The following HS6ST3 variants were observed in gnomAD, a reference collection of about 807,000 sequenced individuals.
HS6ST3 encodes heparan-sulfate 6-O-sulfotransferase 3.
A neutral mutation model predicts 36.7 loss-of-function variants in HS6ST3; 12 were observed. The ratio of observed to expected loss-of-function variants is 0.33; its 90% CI spans 0.21 to 0.53. The LOEUF is 0.53. Among genes scored for constraint, HS6ST3 ranks in the 20% least tolerant of loss-of-function variants. The probability of loss-of-function intolerance (pLI) is 0.95; values close to 1 mark genes in which losing one functional copy is unlikely to be tolerated. For synonymous variants in HS6ST3, 240 were observed against 257.5 expected (o/e 0.93, Z 0.65); for missense variants, 584 against 640.9 (o/e 0.91, Z 0.96).
intron 1 of HS6ST3, among the ~76,000 whole-genome samples, chr13:96,756,641 G>A (rs966490717): frequency 3.9e-5 from 6 of 152,154 alleles, no homozygotes; most frequent in African/African-American, 1.2e-4. Flanking sequence ...TAAGCATAGT[G>A]TATAATATTT....
intron 1 of HS6ST3, among the ~76,000 whole-genome samples, chr13:96,443,302 G>A (rs1048884137): frequency 1.3e-5 from 2 of 151,850 alleles, no homozygotes; most frequent in Admixed American, 1.3e-4. Flanking sequence ...AGGCTGAGGC[G>A]GGCGGATCAC....
chr13:96,365,565 C>G (rs2055259034), intron 1 of HS6ST3, among the ~76,000 whole-genome samples: 1 of 152,026 alleles, frequency 6.6e-6, no homozygotes, highest in Non-Finnish European at 1.5e-5. Flanking sequence ...TAAAATCATA[C>G]TTGTTATACT....
At chr13:96,468,405 T>C (rs2055824456) in intron 1 of HS6ST3, among the ~76,000 whole-genome samples, 1 of 152,084 alleles carries the variant, frequency 6.6e-6, no homozygotes, top group South Asian at 2.1e-4. Flanking sequence ...TATTTGGTTA[T>C]ATGATGATTT....
At chr13:96,458,572 A>C (rs1006964993) in intron 1 of HS6ST3, among the ~76,000 whole-genome samples, 2 of 150,694 alleles carry the variant, frequency 1.3e-5, no homozygotes, top group African/African-American at 4.9e-5. Flanking sequence ...CTTTTTTAAC[A>C]TTTGGAATAG....
intron 1 of HS6ST3, among the ~76,000 whole-genome samples, chr13:96,589,646 A>G (rs1566405178): frequency 6.6e-6 from 1 of 151,802 alleles, no homozygotes; most frequent in African/African-American, 2.4e-5. Context: ...CTGTTTTTTG[A>G]TATGGGTGTG....
At chr13:96,775,087 T>C (rs531667478) in intron 1 of HS6ST3, among the ~76,000 whole-genome samples, 13 of 152,246 alleles carry the variant, frequency 8.5e-5, no homozygotes, top group African/African-American at 3.1e-4. Context: ...AAACTAAGCT[T>C]CATAAGCGAA....
intron 1 of HS6ST3, among the ~76,000 whole-genome samples, chr13:96,331,629 T>C (rs530545816): frequency 6.6e-6 from 1 of 152,304 alleles, no homozygotes; most frequent in South Asian, 2.1e-4. Flanking sequence ...TACTGCTGTC[T>C]TTTTGTTTTT....
At chr13:96,455,686 C>A (rs2055751463) in intron 1 of HS6ST3, among the ~76,000 whole-genome samples, 3 of 152,130 alleles carry the variant, frequency 2.0e-5, no homozygotes, top group Admixed American at 6.5e-5. Flanking sequence ...GAATAAGTGG[C>A]TACATTTAGT....
At chr13:96,710,706 T>A (rs988937230) in intron 1 of HS6ST3, among the ~76,000 whole-genome samples, 1 of 152,166 alleles carries the variant, frequency 6.6e-6, no homozygotes, top group African/African-American at 2.4e-5. Context: ...ACTGAACAGG[T>A]GTTGCCTCCT....
At chr13:96,739,556 C>T (rs1371342941) in intron 1 of HS6ST3, among the ~76,000 whole-genome samples, 2 of 152,120 alleles carry the variant, frequency 1.3e-5, no homozygotes, top group East Asian at 3.9e-4. Flanking sequence ...GTTAGAGTCA[C>T]TCTTGACTCC....
intron 1 of HS6ST3, among the ~76,000 whole-genome samples, chr13:96,299,098 G>A (rs1246258262): frequency 6.6e-6 from 1 of 152,102 alleles, no homozygotes; most frequent in Admixed American, 6.6e-5. Flanking sequence ...TTCTCATGGT[G>A]GATTAAACTC....
intron 1 of HS6ST3, among the ~76,000 whole-genome samples, chr13:96,219,806 C>T (rs1047654149): frequency 2.6e-5 from 4 of 152,180 alleles, no homozygotes; most frequent in Non-Finnish European, 5.9e-5. Context: ...GCCTCAGCCT[C>T]CCAAGTAGCT....
intron 1 of HS6ST3, among the ~76,000 whole-genome samples, chr13:96,275,855 CTT>C (rs766378075): frequency 2.3e-4 from 33 of 142,590 alleles, no homozygotes; most frequent in Admixed American, 2.8e-4. Context: ...CTCTGTCTCT[CTT>C]TTTTTTTTTT....
chr13:96,638,203 A>G (rs923987452), intron 1 of HS6ST3, among the ~76,000 whole-genome samples: 2 of 152,114 alleles, frequency 1.3e-5, no homozygotes, highest in Non-Finnish European at 2.9e-5. Context: ...CCAGAAATAT[A>G]TAATTCCACA....
At chr13:96,447,495 A>G (rs900693184) in intron 1 of HS6ST3, among the ~76,000 whole-genome samples, 5 of 152,226 alleles carry the variant, frequency 3.3e-5, no homozygotes, top group African/African-American at 1.2e-4. Flanking sequence ...GTCTAGCAGG[A>G]AAGCCACCTT....
intron 1 of HS6ST3, among the ~76,000 whole-genome samples, chr13:96,121,825 C>A (rs1260078860): frequency 1.3e-5 from 2 of 152,120 alleles, no homozygotes; most frequent in Admixed American, 6.5e-5. Flanking sequence ...AAGAGAAACT[C>A]ACAATATTAC....
intron 1 of HS6ST3, among the ~76,000 whole-genome samples, chr13:96,172,818 G>GTGAAAAGTAT: frequency 6.6e-6 from 1 of 152,262 alleles, no homozygotes; most frequent in East Asian, 1.9e-4. Flanking sequence ...TGAGCAAATA[G>GTGAAAAGTAT]TGAAAAGTAT....
intron 1 of HS6ST3, among the ~76,000 whole-genome samples, chr13:96,345,582 C>T (rs538542134): frequency 5.3e-5 from 8 of 152,172 alleles, no homozygotes; most frequent in Non-Finnish European, 1.0e-4. Flanking sequence ...GGGACAATAT[C>T]GTACCACATT....
At chr13:96,698,988 A>G (rs1875206972) in intron 1 of HS6ST3, among the ~76,000 whole-genome samples, 1 of 152,208 alleles carries the variant, frequency 6.6e-6, no homozygotes, top group Admixed American at 6.5e-5. Flanking sequence ...TGACAAAAAC[A>G]AGAAATGGGG....
Sources: gnomAD v4.1 joint callset for allele counts (sites outside exome capture counted in the v4.1 genomes callset) on GRCh38, gnomAD v4.1.1 for gene constraint, MANE v1.5 for transcripts, NCBI Gene and HGNC (gene_info 2026-07-23, HGNC 2026-07-21) for gene names.